CACNA2D3: variants seen among roughly 807,000 people sequenced by gnomAD.
CACNA2D3 encodes voltage-dependent calcium channel subunit alpha-2/delta-3.
CACNA2D3 carries 60 observed loss-of-function variants against 160.6 expected under a neutral mutation model. The ratio of observed to expected loss-of-function variants is 0.37; its 90% confidence interval spans 0.30 to 0.46. CACNA2D3 has a LOEUF of 0.46. CACNA2D3 is among the 20% of genes least tolerant of loss of function. CACNA2D3 has a pLI of 1.00. For missense variants in CACNA2D3, 1,205 were observed against 1,365.0 expected, an observed-to-expected ratio of 0.88 and a Z score of 1.85; for synonymous variants, 558 against 492.9, an observed-to-expected ratio of 1.13 and a Z score of -1.75.
intron 11 of CACNA2D3, among the ~76,000 whole-genome samples, chr3:54,730,121 T>C (rs1409542446): frequency 6.6e-6 from 1 of 151,920 alleles, no homozygotes. Context: ...CCTGAAAAAA[T>C]GTACACTGCA....
At chr3:54,866,876 G>A (rs901354209) in intron 17 of CACNA2D3, among the ~76,000 whole-genome samples, 1 of 152,166 alleles carries the variant, frequency 6.6e-6, no homozygotes, top group African/African-American at 2.4e-5. Flanking sequence ...GCTTGTTTGT[G>A]TGTTCCCCAC....
chr3:55,029,254 C>T (rs552303030), intron 35 of CACNA2D3, among the ~76,000 whole-genome samples: 1 of 152,286 alleles, frequency 6.6e-6, no homozygotes, highest in African/African-American at 2.4e-5. Context: ...TGGGCTACCA[C>T]ACTTACTAGT....
At chr3:54,368,693 C>CTTTTTTTT (rs33976949) in intron 3 of CACNA2D3, among the ~76,000 whole-genome samples, 5 of 71,538 alleles carry the variant, frequency 7.0e-5, no homozygotes, top group East Asian at 1.1e-3. Context: ...GGGTAGGGTT[C>CTTTTTTTT]TTTTTTTTTT....
At chr3:54,436,071 G>A (rs866171928) in intron 4 of CACNA2D3, among the ~76,000 whole-genome samples, 2 of 151,978 alleles carry the variant, frequency 1.3e-5, no homozygotes, top group Non-Finnish European at 2.9e-5. Context: ...GAGACCTAAA[G>A]GATCTTTGGA....
rs191742790 is a variant in CACNA2D3 at position 54,197,159 on chromosome 3, A to G, written c.204+73565A>G. The stretch of plus-strand genomic sequence containing the variant: ...CCAAGTAATGCAATGCTCCTGCCTC[A>G]TCCTCCTGAGCAGGAAAGGGCCAAG... On this transcript the variant is annotated intron_variant, in intron 2 of 37. Coordinates refer to ENST00000474759, the MANE Select transcript of CACNA2D3 (RefSeq NM_018398.3). 1.9e-3 allele frequency among the ~76,000 whole-genome samples: 296 copies of G among 152,216 alleles called. 5 individuals are homozygous for G. Among genetic ancestry groups the G allele is most frequent in the Admixed American group, 0.018 (278 of 15,296 alleles).
At chr3:54,840,658 C>T (rs1444363093) in intron 16 of CACNA2D3, among the ~76,000 whole-genome samples, 2 of 151,350 alleles carry the variant, frequency 1.3e-5, no homozygotes, top group Non-Finnish European at 2.9e-5. Flanking sequence ...ATCCACCCGC[C>T]TCAGCCTCCC....
chr3:55,057,963 A>T (rs965330409), intron 35 of CACNA2D3, among the ~76,000 whole-genome samples: 1 of 152,186 alleles, frequency 6.6e-6, no homozygotes, highest in African/African-American at 2.4e-5. Flanking sequence ...GTAATTCTCA[A>T]TGATCAAAAT....
At chr3:54,175,092 GT>G (rs2107316243) in intron 2 of CACNA2D3, among the ~76,000 whole-genome samples, 1 of 152,310 alleles carries the variant, frequency 6.6e-6, no homozygotes, top group South Asian at 2.1e-4. Context: ...TTCTTTGAGA[GT>G]TCAGACAATT....
intron 11 of CACNA2D3, among the ~76,000 whole-genome samples, chr3:54,715,630 A>C (rs1338399182): frequency 6.6e-6 from 1 of 152,094 alleles, no homozygotes; most frequent in Non-Finnish European, 1.5e-5. Context: ...GCCACAAGTC[A>C]TCTCGTTAGC....
intron 2 of CACNA2D3, among the ~76,000 whole-genome samples, chr3:54,286,095 T>A (rs529659892): frequency 6.6e-6 from 1 of 151,704 alleles, no homozygotes; most frequent in African/African-American, 2.4e-5. Flanking sequence ...CTTTGACGAG[T>A]TGAGAGAAGA....
chr3:54,677,866 C>T (rs981060835), intron 11 of CACNA2D3, among the ~76,000 whole-genome samples: 9 of 151,854 alleles, frequency 5.9e-5, no homozygotes, highest in African/African-American at 2.2e-4. Context: ...AATAGATACT[C>T]ATCAGAGACA....
intron 31 of CACNA2D3, among the ~76,000 whole-genome samples, chr3:54,998,712 G>GTT (rs1553626474): frequency 7.4e-6 from 1 of 134,622 alleles, no homozygotes; most frequent in African/African-American, 2.7e-5. Flanking sequence ...GCTAAAGTTG[G>GTT]TTTTTGTTTT....
chr3:54,671,247 G>T (rs1700155204), intron 11 of CACNA2D3, among the ~76,000 whole-genome samples: 1 of 151,544 alleles, frequency 6.6e-6, no homozygotes, highest in Non-Finnish European at 1.5e-5. Context: ...ATCTCATTAA[G>T]TCAAAGAAAC....
intron 11 of CACNA2D3, among the ~76,000 whole-genome samples, chr3:54,690,794 CT>C (rs1700557018): frequency 6.6e-6 from 1 of 152,066 alleles, no homozygotes; most frequent in Admixed American, 6.5e-5. Flanking sequence ...TTTGTTTTCC[CT>C]TTTCATTTCT....
At chr3:55,046,177 T>C (rs923521953) in intron 35 of CACNA2D3, among the ~76,000 whole-genome samples, 6 of 149,682 alleles carry the variant, frequency 4.0e-5, no homozygotes, top group African/African-American at 1.5e-4. Flanking sequence ...TGTATACATG[T>C]GCCATGCTGG....
chr3:54,598,307 CAAAAAAAAAAAAAAAAA>C (rs10656534), intron 9 of CACNA2D3, among the ~76,000 whole-genome samples: 1 of 49,846 alleles, frequency 2.0e-5, no homozygotes. Flanking sequence ...CTCCGTCTCA[CAAAAAAAAAAAAAAAAA>C]AAAAAAAAGA....
intron 3 of CACNA2D3, among the ~76,000 whole-genome samples, chr3:54,353,170 C>A (rs1402156075): frequency 1.3e-5 from 2 of 152,204 alleles, no homozygotes; most frequent in Admixed American, 1.3e-4. Flanking sequence ...TGGTGGTTTT[C>A]TTGTCACCTT....
chr3:54,854,738 T>C (rs532764676), intron 17 of CACNA2D3, among the ~76,000 whole-genome samples: 1 of 152,280 alleles, frequency 6.6e-6, no homozygotes, highest in African/African-American at 2.4e-5. Context: ...GAAGATTCTC[T>C]ATATATAATG....
chr3:54,861,498 C>A (rs545449668), intron 17 of CACNA2D3, among the ~76,000 whole-genome samples: 1 of 152,144 alleles, frequency 6.6e-6, no homozygotes, highest in Non-Finnish European at 1.5e-5. Flanking sequence ...TGGGTGCCAT[C>A]ACCTAGGACA....
Sources: allele counts gnomAD v4.1 joint callset (sites outside exome capture counted in the v4.1 genomes callset), GRCh38; gene constraint gnomAD v4.1.1; transcripts MANE v1.5; gene names NCBI Gene and HGNC (gene_info 2026-07-23, HGNC 2026-07-21).